IAPP: variants seen among roughly 807,000 people sequenced by gnomAD.
IAPP encodes the protein islet amyloid polypeptide.
Under a neutral mutation model 2.9 loss-of-function variants are expected in IAPP, and 4 were observed. The observed-to-expected ratio is 1.39, with a 90% CI of 0.69 to 3.19. IAPP has a LOEUF of 3.19. Ranked by LOEUF, IAPP falls within the 30% of genes most tolerant of loss-of-function variation. IAPP has a pLI of 0.01. For synonymous variants in IAPP, 40 were observed against 42.1 expected (o/e 0.95, Z 0.19); for missense variants, 114 against 105.3 (o/e 1.08, Z -0.36).
intron 1 of IAPP, among the ~76,000 whole-genome samples, chr12:21,362,937 A>T (rs927665832): frequency 2.0e-5 from 3 of 152,184 alleles, no homozygotes; most frequent in Non-Finnish European, 4.4e-5. Context: ...CTCCCACACA[A>T]TAATAATGGG....
chr12:21,355,032 G>A (rs1052984601), intron 1 of IAPP: 4 of 151,972 alleles, frequency 2.6e-5, no homozygotes, highest in Non-Finnish European at 5.9e-5. Flanking sequence ...AAAGTAAATG[G>A]CACATATGTT....
intron 1 of IAPP, among the ~76,000 whole-genome samples, chr12:21,366,874 A>G (rs1395053358): frequency 1.3e-5 from 2 of 152,046 alleles, no homozygotes; most frequent in African/African-American, 2.4e-5. Flanking sequence ...ATATATATAA[A>G]CACAAGATTA....
chr12:21,364,204 C>G (rs1317281111), intron 1 of IAPP, among the ~76,000 whole-genome samples: 2 of 152,184 alleles, frequency 1.3e-5, no homozygotes, highest in Non-Finnish European at 2.9e-5. Context: ...CCACCATGAT[C>G]AAGTTGGCTT....
chr12:21,371,071 T>C (rs1350895864), upstream of IAPP, among the ~76,000 whole-genome samples: 2 of 152,222 alleles, frequency 1.3e-5, no homozygotes, highest in African/African-American at 2.4e-5. Context: ...TGCAGTCATA[T>C]TTATACCCAC....
At chr12:21,361,574 T>C (rs1353454432) in intron 1 of IAPP, among the ~76,000 whole-genome samples, 9 of 152,116 alleles carry the variant, frequency 5.9e-5, no homozygotes, top group Admixed American at 2.6e-4. Context: ...CTTCAGAAGA[T>C]TGGTAATAAC....
At chr12:21,369,167 A>C (rs1209017712), upstream of IAPP, among the ~76,000 whole-genome samples, 2 of 152,228 alleles carry the variant, frequency 1.3e-5, no homozygotes, top group Admixed American at 1.3e-4. Flanking sequence ...TTTACTTTTA[A>C]AATGTGATAG....
At chr12:21,360,137 T>C (rs1303934212) in intron 1 of IAPP, among the ~76,000 whole-genome samples, 1 of 151,744 alleles carries the variant, frequency 6.6e-6, no homozygotes, top group Non-Finnish European at 1.5e-5. Flanking sequence ...GAGGAGTGGG[T>C]TGGGGAGTAG....
At chr12:21,366,799 G>A (rs574432667) in intron 1 of IAPP, among the ~76,000 whole-genome samples, 1 of 151,708 alleles carries the variant, frequency 6.6e-6, no homozygotes, top group African/African-American at 2.4e-5. Flanking sequence ...TTTTTTTATG[G>A]AAAAGTTGGT....
At chr12:21,371,780 A>G (rs1011115994), upstream of IAPP, among the ~76,000 whole-genome samples, 5 of 152,186 alleles carry the variant, frequency 3.3e-5, no homozygotes, top group African/African-American at 1.2e-4. Flanking sequence ...AAGTGGGCGG[A>G]TCACCTGAGG....
At chr12:21,356,991 TA>T (rs1170948953) in intron 1 of IAPP, among the ~76,000 whole-genome samples, 13 of 149,644 alleles carry the variant, frequency 8.7e-5, no homozygotes, top group Middle Eastern at 3.4e-3. Flanking sequence ...ATACAGAAAA[TA>T]TTGACCACAA....
At chr12:21,375,286 T>C (rs1429531702) in intron 2 of IAPP, among the ~76,000 whole-genome samples, 2 of 152,216 alleles carry the variant, frequency 1.3e-5, no homozygotes, top group African/African-American at 4.8e-5. Flanking sequence ...TGCTTTTTAA[T>C]ATGTTGCCTG....
intron 2 of IAPP, among the ~76,000 whole-genome samples, chr12:21,377,432 C>T (rs1480180157): frequency 6.6e-6 from 1 of 152,036 alleles, no homozygotes; most frequent in African/African-American, 2.4e-5. Flanking sequence ...ATGATATCTA[C>T]CCTTTTAACA....
At chr12:21,371,493 C>G (rs1939785656), upstream of IAPP, among the ~76,000 whole-genome samples, 1 of 152,198 alleles carries the variant, frequency 6.6e-6, no homozygotes. Context: ...AAACAAGTTT[C>G]TTTCCTCCTG....
At chr12:21,366,787 TG>T (rs1273682325) in intron 1 of IAPP, among the ~76,000 whole-genome samples, 3 of 151,940 alleles carry the variant, frequency 2.0e-5, no homozygotes, top group Non-Finnish European at 4.4e-5. Flanking sequence ...TTGTAGAAGT[TG>T]TTTTTTTATG....
rs138838062 is a variant in IAPP, at chr12:21,365,188, C to T, written c.-15-8149C>T. On this transcript the variant is annotated intron_variant, in intron 1 of 2. Coordinates refer to the IAPP transcript ENST00000539393. ...TAACCAAAACAGCATGGTACTGGTA[C>T]CAAAACAGAGATATAGACCAATGGA... Among the ~76,000 whole-genome samples the T allele has an allele frequency of 2.0e-3, 304 of 152,190 alleles. 2 individuals are homozygous for T. The South Asian group carries it at 0.034, about 17-fold the overall frequency.
chr12:21,378,258 A>G lies in IAPP; in HGVS notation c.102A>G (p.Lys34=). The G allele has an allele frequency of 6.2e-7, 1 of 1,614,212 alleles. No homozygotes were observed. The highest frequency in any genetic ancestry group is 8.5e-7 in the Non-Finnish European group (1 of 1,180,032). ...PIESHQVEKR[K]CNTATCATQR... The stretch of plus-strand genomic sequence containing the variant: ...CCAGTCATCAGGTGGAAAAGCGGAA[A>G]TGCAACACTGCCACATGTGCAACGC... The change falls in exon 3 of 3, where the codon AAA becomes AAG. Residue 34 remains lysine, a synonymous_variant. Transcript: ENST00000240652.
upstream of IAPP, among the ~76,000 whole-genome samples, chr12:21,368,131 C>T (rs1000405889): frequency 6.6e-6 from 1 of 152,046 alleles, no homozygotes; most frequent in Admixed American, 6.5e-5. Context: ...TTTTTAACCT[C>T]ATAAAAGATA....
chr12:21,373,198 C>A (rs1939925731), intron 1 of IAPP, 139 bp from the exon 2 acceptor site: 1 of 665,246 alleles, frequency 1.5e-6, no homozygotes, highest in Admixed American at 2.3e-5. Context: ...TATTAAGGGA[C>A]TGTATCAATA....
At chr12:21,369,300 G>A (rs987861042), upstream of IAPP, among the ~76,000 whole-genome samples, 1 of 151,940 alleles carries the variant, frequency 6.6e-6, no homozygotes, top group African/African-American at 2.4e-5. Flanking sequence ...ATATGACTTG[G>A]AGTCATTTAC....
Sources: allele counts gnomAD v4.1 joint callset (sites outside exome capture counted in the v4.1 genomes callset), GRCh38; gene constraint gnomAD v4.1.1; transcripts MANE v1.5; gene names NCBI Gene and HGNC (gene_info 2026-07-23, HGNC 2026-07-21).